Variants in OLFML1 observed in about 807,000 individuals in gnomAD.
The protein encoded by OLFML1 is olfactomedin like 1.
In OLFML1, 33 loss-of-function variants were observed where a neutral mutation model predicts 37.3. The observed-to-expected ratio is 0.88, with a 90% confidence interval of 0.67 to 1.18. The LOEUF (loss-of-function observed/expected upper bound fraction) is 1.18. Ranked by LOEUF, OLFML1 falls within the 50% of genes most tolerant of loss-of-function variation. The pLI, the probability that OLFML1 is intolerant of heterozygous loss-of-function variation, is 0.00. For missense variants in OLFML1, 545 were observed against 483.7 expected, an observed-to-expected ratio of 1.13 and a Z score of -1.19; for synonymous variants, 186 against 181.3, an observed-to-expected ratio of 1.03 and a Z score of -0.21.
chr11:7,487,810 G>A (rs1240468650), intron 1 of OLFML1, among the ~76,000 whole-genome samples: 1 of 151,958 alleles, frequency 6.6e-6, no homozygotes, highest in African/African-American at 2.4e-5. Context: ...TTATGGTATA[G>A]GTATACTTTA....
intron 2 of OLFML1, among the ~76,000 whole-genome samples, chr11:7,500,881 AT>A (rs1204877006): frequency 6.6e-6 from 1 of 152,114 alleles, no homozygotes; most frequent in Admixed American, 6.5e-5. Flanking sequence ...AAATAATAAA[AT>A]AAAAAATTTT....
intron 2 of OLFML1, among the ~76,000 whole-genome samples, chr11:7,504,491 C>T (rs551219709): frequency 3.6e-4 from 55 of 152,146 alleles, no homozygotes; most frequent in South Asian, 2.3e-3. Flanking sequence ...TTTAAAAGCA[C>T]GCCTTTGGCT....
At chr11:7,491,407 G>A (rs1213363898) in intron 2 of OLFML1, among the ~76,000 whole-genome samples, 3 of 152,194 alleles carry the variant, frequency 2.0e-5, no homozygotes, top group African/African-American at 7.2e-5. Context: ...TCCTCCCATG[G>A]AGAAGGCCAC....
chr11:7,510,217 T>C lies in OLFML1; in HGVS notation c.*29T>C, dbSNP rs1848844339. The C allele has an allele frequency of 1.3e-6, 2 of 1,565,338 alleles. No individual in the cohort carries two copies. The highest frequency in any genetic ancestry group is 1.4e-5 in the African/African-American group (1 of 73,732). ...ATTACAGCTGTGAGAAAGAGCACTG[T>C]GGCTTTGGCAGCTGTTCTACAGGAC... On this transcript the variant is annotated 3_prime_UTR_variant, in exon 3 of 3. Coordinates refer to ENST00000329293, the MANE Select transcript of OLFML1 (RefSeq NM_198474.4).
At chr11:7,496,768 G>A (rs529600828) in intron 2 of OLFML1, among the ~76,000 whole-genome samples, 2 of 152,208 alleles carry the variant, frequency 1.3e-5, no homozygotes, top group East Asian at 3.9e-4. Flanking sequence ...AAAATGAGAA[G>A]TTCGTAATTA....
At chr11:7,494,252 G>C (rs1450055462) in intron 2 of OLFML1, among the ~76,000 whole-genome samples, 1 of 152,232 alleles carries the variant, frequency 6.6e-6, no homozygotes, top group African/African-American at 2.4e-5. Flanking sequence ...GTAGAGAGGT[G>C]ATGAAAGAAC....
chr11:7,495,861 TCTC>T (rs1369924616), intron 2 of OLFML1, among the ~76,000 whole-genome samples: 1 of 152,032 alleles, frequency 6.6e-6, no homozygotes, highest in Non-Finnish European at 1.5e-5. Context: ...GCCCATCTCT[TCTC>T]CTCACATTCC....
In OLFML1 at chr11:7,511,149, A is replaced by G. The variant is rs2134191563; in HGVS notation, c.*961A>G. 6.6e-6 allele frequency: 1 copy of G among 152,348 alleles called. No homozygotes were observed. The highest frequency in any genetic ancestry group is 1.5e-5 in the Non-Finnish European group (1 of 68,028). 9.4% of individuals were successfully genotyped at this position (152,348 alleles called of 1,614,324 possible). ...AATGCGTTCATCGTTTCAGCCTAAA[A>G]ATAATAGTCTGTCCCTTTAGCCAGT... On this transcript the variant is annotated 3_prime_UTR_variant, in exon 3 of 3. Coordinates refer to ENST00000329293, the MANE Select transcript of OLFML1 (RefSeq NM_198474.4).
At chr11:7,506,924 G>A (rs1414772034) in intron 2 of OLFML1, among the ~76,000 whole-genome samples, 3 of 152,190 alleles carry the variant, frequency 2.0e-5, no homozygotes, top group Admixed American at 1.3e-4. Flanking sequence ...GTGGGATATT[G>A]GAGTTTTCGA....
chr11:7,494,214 C>T (rs1284245795), intron 2 of OLFML1, among the ~76,000 whole-genome samples: 1 of 152,166 alleles, frequency 6.6e-6, no homozygotes, highest in Non-Finnish European at 1.5e-5. Flanking sequence ...GCAAGTTGTT[C>T]AATGGAGCTC....
At chr11:7,497,948 T>C (rs1848682678) in intron 2 of OLFML1, among the ~76,000 whole-genome samples, 1 of 152,202 alleles carries the variant, frequency 6.6e-6, no homozygotes, top group Non-Finnish European at 1.5e-5. Flanking sequence ...ACCCATCCAC[T>C]GAAGCACTCA....
intron 2 of OLFML1, 102 bp from the exon 3 acceptor site, chr11:7,509,296 A>G (rs1398629887): frequency 2.4e-6 from 2 of 831,520 alleles, no homozygotes; most frequent in African/African-American, 1.7e-5. Flanking sequence ...CATCAGTATT[A>G]GACCTGAAAG....
intron 2 of OLFML1, among the ~76,000 whole-genome samples, chr11:7,508,138 C>T (rs1423162188): frequency 6.6e-6 from 1 of 152,108 alleles, no homozygotes; most frequent in African/African-American, 2.4e-5. Context: ...GGAAGTGGAT[C>T]ATCATAAAGG....
chr11:7,504,917 T>G (rs531690023), intron 2 of OLFML1: 1 of 146,916 alleles, frequency 6.8e-6, no homozygotes, highest in East Asian at 2.0e-4. Context: ...AACCTGCTGC[T>G]GACACATCCA....
intron 2 of OLFML1, among the ~76,000 whole-genome samples, chr11:7,497,776 C>T (rs529368760): frequency 2.0e-4 from 31 of 152,204 alleles, no homozygotes; most frequent in Non-Finnish European, 2.6e-4. Flanking sequence ...ACCTATGATA[C>T]GGATTTAATA....
At chr11:7,496,948 T>C (rs931083261) in intron 2 of OLFML1, among the ~76,000 whole-genome samples, 3 of 152,160 alleles carry the variant, frequency 2.0e-5, no homozygotes, top group Non-Finnish European at 4.4e-5. Context: ...CCAGCTACAC[T>C]GTAGCTGGAA....
In OLFML1 at chr11:7,510,130, A is replaced by C. The variant is rs528152771; in HGVS notation, c.1151A>C (p.Asn384Thr). 21 of 1,613,752 alleles carry C rather than the reference A, an allele frequency of 1.3e-5. No individual in the cohort carries two copies. Among genetic ancestry groups the C allele is most frequent in the Non-Finnish European group, 1.8e-5 (21 of 1,180,042 alleles). ...NPRDKQLYAW[N>T]EGNQIIYKLQ... ...AGAGATAAGCAGCTCTATGCCTGGA[A>C]TGAAGGAAACCAGATCATTTACAAA... Residue 384 changes from asparagine (N) to threonine (T), a missense_variant, in exon 3 of 3, where the codon AAT becomes ACT. Asn to Thr is a moderately conservative substitution (Grantham distance 65, BLOSUM62 0). Coordinates refer to ENST00000329293, the MANE Select transcript of OLFML1 (RefSeq NM_198474.4).
chr11:7,499,527 G>A (rs1443875151), intron 2 of OLFML1, among the ~76,000 whole-genome samples: 1 of 152,220 alleles, frequency 6.6e-6, no homozygotes, highest in Non-Finnish European at 1.5e-5. Flanking sequence ...ACTATGTAGA[G>A]AGCATCCAAC....
chr11:7,499,315 A>C (rs1394815358), intron 2 of OLFML1, among the ~76,000 whole-genome samples: 1 of 152,186 alleles, frequency 6.6e-6, no homozygotes, highest in Non-Finnish European at 1.5e-5. Flanking sequence ...CTGTTAAAAA[A>C]ATTTGCATCT....
Sources: allele counts gnomAD v4.1 joint callset (sites outside exome capture counted in the v4.1 genomes callset), GRCh38; gene constraint gnomAD v4.1.1; transcripts MANE v1.5; gene names NCBI Gene and HGNC (gene_info 2026-07-23, HGNC 2026-07-21).